The following DLG2 variants were observed in gnomAD, a reference collection of about 807,000 sequenced individuals.
The protein encoded by DLG2 is disks large homolog 2.
In DLG2, 45 loss-of-function variants were observed where a neutral mutation model predicts 132.5. The observed-to-expected ratio is 0.34, with a 90% CI of 0.27 to 0.44. DLG2 has a LOEUF of 0.44. DLG2 is among the 20% of genes least tolerant of loss of function. The pLI, the probability that DLG2 is intolerant of heterozygous loss-of-function variation, is 1.00. For missense variants in DLG2, 1,045 were observed against 1,196.9 expected (o/e 0.87, Z 1.87); for synonymous variants, 424 against 419.6 (o/e 1.01, Z -0.13).
At chr11:85,310,051 T>C (rs138032653) in intron 3 of DLG2, among the ~76,000 whole-genome samples, 26 of 152,312 alleles carry the variant, frequency 1.7e-4, no homozygotes, top group African/African-American at 5.1e-4. Context: ...GAACACTGCA[T>C]TGGTAACTGA....
chr11:84,036,819 C>T (rs563202169), intron 11 of DLG2, among the ~76,000 whole-genome samples: 1 of 152,230 alleles, frequency 6.6e-6, no homozygotes, highest in African/African-American at 2.4e-5. Context: ...TGAATGAATA[C>T]AGACTAATTT....
chr11:83,913,658 C>G (rs747572663), intron 15 of DLG2, among the ~76,000 whole-genome samples: 1 of 152,066 alleles, frequency 6.6e-6, no homozygotes, highest in Admixed American at 6.6e-5. Context: ...CTCATGTGAA[C>G]AGACCTGTTT....
chr11:84,005,321 C>T (rs907325741), intron 11 of DLG2, among the ~76,000 whole-genome samples: 1 of 151,830 alleles, frequency 6.6e-6, no homozygotes, highest in African/African-American at 2.4e-5. Flanking sequence ...AACTGGACCC[C>T]TATCTGATCA....
At chr11:85,164,254 C>G (rs887762807) in intron 4 of DLG2, among the ~76,000 whole-genome samples, 4 of 152,022 alleles carry the variant, frequency 2.6e-5, no homozygotes, top group African/African-American at 7.3e-5. Context: ...ACTTCAGTGT[C>G]TGTAGTTTCA....
chr11:83,573,515 T>A (rs1377730217), intron 19 of DLG2, among the ~76,000 whole-genome samples: 1 of 152,268 alleles, frequency 6.6e-6, no homozygotes, highest in East Asian at 1.9e-4. Flanking sequence ...TATTCTTTTA[T>A]AGAACAGACT....
At chr11:84,109,125 AT>A (rs571915073) in intron 9 of DLG2, among the ~76,000 whole-genome samples, 32 of 152,302 alleles carry the variant, frequency 2.1e-4, no homozygotes, top group African/African-American at 6.3e-4. Flanking sequence ...CAAAAAAAAA[AT>A]AATAGGTAAC....
intron 4 of DLG2, among the ~76,000 whole-genome samples, chr11:85,250,207 T>C (rs190470763): frequency 1.2e-4 from 19 of 152,238 alleles, no homozygotes; most frequent in African/African-American, 3.4e-4. Context: ...GTATCATAAA[T>C]GCGTTTCTTT....
At chr11:83,641,024 C>A (rs1355988703) in intron 18 of DLG2, among the ~76,000 whole-genome samples, 1 of 152,134 alleles carries the variant, frequency 6.6e-6, no homozygotes, top group African/African-American at 2.4e-5. Flanking sequence ...ATCATCCCTA[C>A]CCCCATACAT....
Position 83,606,793 on chromosome 11 carries a change from G to A in DLG2, c.1940+26418C>T, listed in dbSNP as rs546786559. On this transcript the variant is annotated intron_variant, in intron 19 of 27. Coordinates refer to ENST00000376104, the MANE Select transcript of DLG2 (RefSeq NM_001142699.3). ...ACACAAAAAATTAACCGGGCATGGT[G>A]GCGGGCGCCTGTGGTCCCAGCTGCT... Among the ~76,000 whole-genome samples the A allele has an allele frequency of 6.3e-3, 952 of 152,246 alleles. 14 individuals carry two copies. The highest frequency in any genetic ancestry group is 8.1e-3 in the Non-Finnish European group (553 of 68,018).
At chr11:83,721,089 A>G (rs2153684539) in intron 18 of DLG2, 1 of 152,286 alleles carries the variant, frequency 6.6e-6, no homozygotes. Context: ...GTTCAAAGGG[A>G]GATTTTTAAT....
chr11:84,203,862 C>A (rs562663828), intron 8 of DLG2, among the ~76,000 whole-genome samples: 1 of 152,270 alleles, frequency 6.6e-6, no homozygotes, highest in African/African-American at 2.4e-5. Context: ...ATGACCTGTG[C>A]AGCAAACCAC....
At chr11:84,035,687 C>T (rs547267133) in intron 11 of DLG2, among the ~76,000 whole-genome samples, 1 of 152,062 alleles carries the variant, frequency 6.6e-6, no homozygotes, top group African/African-American at 2.4e-5. Flanking sequence ...GGTTGATATA[C>T]CCTAATTTAT....
chr11:83,480,388 A>T (rs753568755), intron 22 of DLG2: 2 of 1,535,500 alleles, frequency 1.3e-6, no homozygotes, highest in South Asian at 2.4e-5. Flanking sequence ...TACTTTCGCT[A>T]TCGCTGGCAT....
At chr11:83,946,705 A>T (rs1256127699) in intron 14 of DLG2, among the ~76,000 whole-genome samples, 1 of 152,218 alleles carries the variant, frequency 6.6e-6, no homozygotes, top group African/African-American at 2.4e-5. Context: ...AAGACAAAAA[A>T]TTGTGACTTT....
chr11:85,288,164 G>T (rs775872624), intron 3 of DLG2, among the ~76,000 whole-genome samples: 1 of 151,810 alleles, frequency 6.6e-6, no homozygotes, highest in Non-Finnish European at 1.5e-5. Flanking sequence ...ATATTATTTT[G>T]TATGAATTAA....
At chr11:83,604,696 T>C (rs1422564305) in intron 19 of DLG2, among the ~76,000 whole-genome samples, 2 of 152,182 alleles carry the variant, frequency 1.3e-5, no homozygotes, top group Non-Finnish European at 2.9e-5. Flanking sequence ...GTAACACATG[T>C]GCCACTCAGG....
intron 7 of DLG2, among the ~76,000 whole-genome samples, chr11:84,392,071 C>G (rs1266151545): frequency 1.3e-5 from 2 of 152,116 alleles, no homozygotes; most frequent in Admixed American, 1.3e-4. Context: ...AATTATGACA[C>G]AATGTATCTG....
intron 6 of DLG2, among the ~76,000 whole-genome samples, chr11:84,559,492 T>G (rs1449844436): frequency 6.6e-6 from 1 of 152,174 alleles, no homozygotes; most frequent in African/African-American, 2.4e-5. Flanking sequence ...CATAATTCAG[T>G]TGACACATAA....
chr11:85,112,860 G>T (rs1179156701), intron 5 of DLG2, among the ~76,000 whole-genome samples: 1 of 151,928 alleles, frequency 6.6e-6, no homozygotes, highest in Non-Finnish European at 1.5e-5. Context: ...CTCTTTAATG[G>T]GAGGTAAGCC....
Sources: gnomAD v4.1 joint callset for allele counts (sites outside exome capture counted in the v4.1 genomes callset) on GRCh38, gnomAD v4.1.1 for gene constraint, MANE v1.5 for transcripts, NCBI Gene and HGNC (gene_info 2026-07-23, HGNC 2026-07-21) for gene names.